The following SPICE1 variants were observed in gnomAD, a reference collection of about 807,000 sequenced individuals.
SPICE1 encodes the protein spindle and centriole-associated protein 1.
Under a neutral mutation model 102.7 loss-of-function variants are expected in SPICE1, and 75 were observed. The ratio of observed to expected loss-of-function variants is 0.73; its 90% CI spans 0.61 to 0.88. The LOEUF (loss-of-function observed/expected upper bound fraction) is 0.88, where lower values mean the gene tolerates loss of function less well. Among genes scored for constraint, SPICE1 ranks in the 40% least tolerant of loss-of-function variants. The pLI is 0.00. For synonymous variants in SPICE1, 308 were observed against 350.3 expected (o/e 0.88, Z 1.35); for missense variants, 979 against 1,020.1 (o/e 0.96, Z 0.55).
chr3:113,485,355 A>C (rs1197330688), intron 7 of SPICE1, among the ~76,000 whole-genome samples: 1 of 152,138 alleles, frequency 6.6e-6, no homozygotes, highest in Non-Finnish European at 1.5e-5. Context: ...CCAACACAGC[A>C]GCAATCTGAG....
chr3:113,479,619 A>G (rs1488966750), intron 7 of SPICE1, among the ~76,000 whole-genome samples: 4 of 152,236 alleles, frequency 2.6e-5, no homozygotes, highest in Admixed American at 2.0e-4. Flanking sequence ...CTATTTCTCC[A>G]CATCCTCTCC....
At chr3:113,446,960 C>G (rs2107438823) in intron 16 of SPICE1, among the ~76,000 whole-genome samples, 1 of 152,266 alleles carries the variant, frequency 6.6e-6, no homozygotes, top group Non-Finnish European at 1.5e-5. Flanking sequence ...GGGGAGGTAA[C>G]TGAATCATGG....
chr3:113,459,597 A>T (rs1365141564), intron 12 of SPICE1: 2 of 985,310 alleles, frequency 2.0e-6, no homozygotes, highest in Non-Finnish European at 2.4e-6. Flanking sequence ...ATTAATAGCA[A>T]GACTTGCCAG....
At chr3:113,453,310 A>G (rs1490817938) in intron 14 of SPICE1, among the ~76,000 whole-genome samples, 156 bp downstream of exon 14, 1 of 152,202 alleles carries the variant, frequency 6.6e-6, no homozygotes, top group East Asian at 1.9e-4. Flanking sequence ...CTGATAAATA[A>G]CTTGGACCTA....
chr3:113,468,634 C>G, intron 9 of SPICE1, 128 bp downstream of exon 9: 1 of 1,177,384 alleles, frequency 8.5e-7, no homozygotes, highest in Non-Finnish European at 1.2e-6. Context: ...TTCTTAGCTA[C>G]CATTCAATAA....
chr3:113,491,145 T>C (rs1170319028), intron 6 of SPICE1, among the ~76,000 whole-genome samples: 1 of 152,194 alleles, frequency 6.6e-6, no homozygotes, highest in African/African-American at 2.4e-5. Context: ...ATTTCCCTAA[T>C]CCAATGACAG....
intron 1 of SPICE1, among the ~76,000 whole-genome samples, chr3:113,511,529 T>C (rs558824241): frequency 6.6e-5 from 10 of 152,120 alleles, no homozygotes; most frequent in Non-Finnish European, 1.5e-5. Context: ...AAACACCACA[T>C]GTACTCACTT....
chr3:113,479,386 T>C (rs1193374354), intron 7 of SPICE1, among the ~76,000 whole-genome samples: 15 of 151,848 alleles, frequency 9.9e-5, no homozygotes, highest in Admixed American at 2.0e-4. Context: ...TGTTGGACAT[T>C]TGGGTTGGTT....
chr3:113,476,520 C>A (rs1416718997), intron 7 of SPICE1, among the ~76,000 whole-genome samples: 1 of 145,998 alleles, frequency 6.8e-6, no homozygotes, highest in Non-Finnish European at 1.5e-5. Flanking sequence ...CATCATGCTA[C>A]CTGACTTCAA....
intron 15 of SPICE1, chr3:113,448,997 T>G (rs1935580360): frequency 6.6e-6 from 1 of 152,194 alleles, no homozygotes; most frequent in South Asian, 2.1e-4. Context: ...ACTTGATAAA[T>G]CACATAACCT....
chr3:113,494,355 T>C (rs67201219), intron 4 of SPICE1, among the ~76,000 whole-genome samples: 5,551 of 152,116 alleles, frequency 0.036, 187 homozygotes, highest in African/African-American at 0.09. Context: ...AAGTAAGAAA[T>C]ATTCACAATT....
chr3:113,503,931 T>TAAAAA (rs34217669), intron 2 of SPICE1, among the ~76,000 whole-genome samples: 63 of 95,438 alleles, frequency 6.6e-4, no homozygotes, highest in African/African-American at 1.0e-3. Flanking sequence ...AGTTTCTATC[T>TAAAAA]AAAAAAAAAA....
At chr3:113,479,546 G>A (rs908245421) in intron 7 of SPICE1, among the ~76,000 whole-genome samples, 29 of 151,926 alleles carry the variant, frequency 1.9e-4, no homozygotes, top group Non-Finnish European at 3.4e-4. Flanking sequence ...CTGAGGAATC[G>A]CCACACTGAC....
At chr3:113,503,252 TAA>T (rs371203329) in intron 2 of SPICE1, 25 bp from the exon 3 acceptor site, 1,962 of 1,259,666 alleles carry the variant, frequency 1.6e-3, no homozygotes, top group Admixed American at 3.0e-3. Context: ...GGCCTTTCTT[TAA>T]AAAAAAAAAA....
intron 13 of SPICE1, among the ~76,000 whole-genome samples, chr3:113,454,492 T>C (rs2107447789): frequency 6.6e-6 from 1 of 152,194 alleles, no homozygotes; most frequent in African/African-American, 2.4e-5. Context: ...GCAGATCACC[T>C]CAGGTCAGGA....
At chr3:113,475,497 A>G (rs959869993) in intron 7 of SPICE1, among the ~76,000 whole-genome samples, 29 of 151,910 alleles carry the variant, frequency 1.9e-4, no homozygotes, top group African/African-American at 6.5e-4. Flanking sequence ...AGAATTTTAG[A>G]CCAATATCCT....
chr3:113,468,033 A>C, intron 10 of SPICE1, 106 bp downstream of exon 10: 47 of 1,367,826 alleles, frequency 3.4e-5, no homozygotes, highest in Non-Finnish European at 4.2e-5. Flanking sequence ...AAACGAAGCT[A>C]TTCAAATTTG....
At chr3:113,470,031 A>G (rs1936158922) in intron 7 of SPICE1, among the ~76,000 whole-genome samples, 1 of 152,212 alleles carries the variant, frequency 6.6e-6, no homozygotes. Flanking sequence ...GTTAGTAATT[A>G]CAAGCACATT....
intron 4 of SPICE1, among the ~76,000 whole-genome samples, chr3:113,498,676 A>C (rs912187005): frequency 6.6e-5 from 10 of 152,324 alleles, no homozygotes; most frequent in African/African-American, 2.4e-4. Context: ...AAATTCCTCA[A>C]AAGAAAATGT....
Sources: gnomAD v4.1 joint callset for allele counts (sites outside exome capture counted in the v4.1 genomes callset) on GRCh38, gnomAD v4.1.1 for gene constraint, MANE v1.5 for transcripts, NCBI Gene and HGNC (gene_info 2026-07-23, HGNC 2026-07-21) for gene names.